The following RAP1GAP2 variants were observed in gnomAD, a reference collection of about 807,000 sequenced individuals.
RAP1GAP2 encodes the protein RAP1 GTPase activating protein 2, also known as rap1 GTPase-activating protein 2.
In RAP1GAP2, 27 loss-of-function variants were observed where a neutral mutation model predicts 95.0. That is an observed-to-expected ratio of 0.28 (90% CI 0.21 to 0.39). The LOEUF is 0.39. Among genes scored for constraint, RAP1GAP2 ranks in the 10% least tolerant of loss-of-function variants. The probability of loss-of-function intolerance (pLI) is 1.00; values close to 1 mark genes in which losing one functional copy is unlikely to be tolerated. For missense variants in RAP1GAP2, 771 were observed against 970.0 expected (o/e 0.79, Z 2.72); for synonymous variants, 373 against 380.9 (o/e 0.98, Z 0.24).
At position 3,035,552 on chromosome 17, in the gene RAP1GAP2, C is replaced by T. The variant is rs1160350553; in HGVS notation, c.*2191C>T. ...GTGGGCAGGATGGCTGGGTGGCCCCCAGAGAAGCACAGACCTGAGATGGGG... is the reference window on the plus strand; with the variant it reads ...GTGGGCAGGATGGCTGGGTGGCCCCTAGAGAAGCACAGACCTGAGATGGGG... On this transcript the variant is annotated 3_prime_UTR_variant, in exon 25 of 25. Transcript: ENST00000254695. This position sits in a 1 kb window ranked among gnomAD's most constrained non-coding sequence, Gnocchi z 4.3. 8 of 152,706 alleles carry T rather than the reference C, an allele frequency of 5.2e-5. No homozygotes were observed. The highest frequency in any genetic ancestry group is 4.6e-4 in the Admixed American group (7 of 15,286). The allele number at this position is 152,706 out of a possible 1,614,324, so 9.5% of individuals were successfully genotyped here.
chr17:2,803,821 A>G (rs1177538078), intron 2 of RAP1GAP2, among the ~76,000 whole-genome samples: 1 of 152,184 alleles, frequency 6.6e-6, no homozygotes, highest in East Asian at 1.9e-4. Context: ...GGAGGTTACC[A>G]TGAGCTGAGA....
chr17:2,935,400 G>A (rs1034614882), intron 3 of RAP1GAP2, among the ~76,000 whole-genome samples: 1 of 152,130 alleles, frequency 6.6e-6, no homozygotes, highest in South Asian at 2.1e-4. Context: ...GCAGCTACTT[G>A]GGAGGCTGAG....
intron 2 of RAP1GAP2, among the ~76,000 whole-genome samples, chr17:2,839,729 A>G (rs2071288834): frequency 6.6e-6 from 1 of 152,172 alleles, no homozygotes; most frequent in Non-Finnish European, 1.5e-5. Context: ...TATTTTTCTC[A>G]TGATTAGACT....
chr17:2,756,938 G>T (rs2071159823), intron 1 of RAP1GAP2, among the ~76,000 whole-genome samples: 1 of 152,142 alleles, frequency 6.6e-6, no homozygotes, highest in Non-Finnish European at 1.5e-5. Flanking sequence ...CCTCTGTTTT[G>T]CATATTTCCT....
At chr17:2,896,080 G>A (rs951002160) in intron 2 of RAP1GAP2, among the ~76,000 whole-genome samples, 4 of 152,164 alleles carry the variant, frequency 2.6e-5, no homozygotes, top group Middle Eastern at 3.4e-3. Flanking sequence ...GTGCGATCCC[G>A]TAGCTGGTCT....
chr17:2,843,668 G>A (rs527667011), intron 2 of RAP1GAP2, among the ~76,000 whole-genome samples: 3 of 152,182 alleles, frequency 2.0e-5, no homozygotes, highest in Non-Finnish European at 2.9e-5. Flanking sequence ...GGTGGGGCGG[G>A]GTGGGGCTGA....
At position 3,026,429 on chromosome 17, in the gene RAP1GAP2, G is replaced by C; in HGVS notation, c.1945G>C (p.Gly649Arg). 6.4e-7 allele frequency: 1 copy of C among 1,552,518 alleles called. No individual in the cohort carries two copies. Among genetic ancestry groups the C allele is most frequent in the Non-Finnish European group, 8.7e-7 (1 of 1,147,664 alleles). Residue 649 changes from glycine to arginine, a missense_variant, in exon 21 of 25, where the codon GGG (glycine) becomes CGG (arginine). By Grantham distance (125) the Gly-to-Arg change is moderately radical (BLOSUM62 -2). Coordinates refer to ENST00000254695, the MANE Select transcript of RAP1GAP2 (RefSeq NM_015085.5). The part of the protein sequence containing the change: ...SSTSSVSSTA[G>R]EGEAMEEGDS... ...CACCAGCAGCGTCAGCAGCACTGCA[G>C]GGGAGGGCGAGGCCATGGAGGAGGG...
At chr17:2,935,106 G>A (rs1011884511) in intron 3 of RAP1GAP2, among the ~76,000 whole-genome samples, 5 of 152,200 alleles carry the variant, frequency 3.3e-5, no homozygotes, top group African/African-American at 1.2e-4. Flanking sequence ...CTATGGGTTT[G>A]CATTGCCTGT....
intron 8 of RAP1GAP2, among the ~76,000 whole-genome samples, chr17:2,970,294 A>AAAAAAAAAT (rs1555582398): frequency 8.6e-6 from 1 of 116,030 alleles, no homozygotes; most frequent in Admixed American, 9.2e-5. Context: ...AAAAAAAAAA[A>AAAAAAAAAT]AATAATAATA....
intron 1 of RAP1GAP2, among the ~76,000 whole-genome samples, chr17:2,757,811 A>G (rs2071173028): frequency 6.6e-6 from 1 of 151,858 alleles, no homozygotes; most frequent in South Asian, 2.1e-4. Flanking sequence ...TCATCCTCCC[A>G]ACTCTTGCCC....
upstream of RAP1GAP2, among the ~76,000 whole-genome samples, chr17:2,791,857 CTTTTT>C (rs530185952): frequency 7.4e-6 from 1 of 136,028 alleles, no homozygotes; most frequent in African/African-American, 2.7e-5. Context: ...CCTTTTCTCT[CTTTTT>C]TTTTTTTTTT....
intron 3 of RAP1GAP2, among the ~76,000 whole-genome samples, chr17:2,915,275 G>T (rs1050213856): frequency 4.6e-5 from 7 of 152,040 alleles, no homozygotes; most frequent in African/African-American, 1.7e-4. Flanking sequence ...TTGTTGCCCA[G>T]GCTGGAGTGC....
Position 2,920,018 on chromosome 17 carries a change from T to C in RAP1GAP2, c.165+14650T>C, listed in dbSNP as rs545486391. Among the ~76,000 whole-genome samples, 416 of 150,562 alleles carry C rather than the reference T, an allele frequency of 2.8e-3. 5 individuals carry two copies. The highest frequency in any genetic ancestry group is 9.8e-3 in the African/African-American group (403 of 41,010). On this transcript the variant is annotated intron_variant, in intron 3 of 24. Coordinates refer to ENST00000254695, the MANE Select transcript of RAP1GAP2 (RefSeq NM_015085.5). ...ATCTGGCCTCCTTTTTTCTTTTTTTTTTTTTTTTGAGACAGGTTCTCTGTC... is the reference window on the plus strand; with the variant it reads ...ATCTGGCCTCCTTTTTTCTTTTTTTCTTTTTTTTGAGACAGGTTCTCTGTC...
intron 1 of RAP1GAP2, among the ~76,000 whole-genome samples, chr17:2,784,775 T>C (rs745800349): frequency 1.1e-4 from 16 of 152,222 alleles, no homozygotes; most frequent in Non-Finnish European, 2.1e-4. Context: ...CAGTTTATTA[T>C]CTCATTACAG....
intron 2 of RAP1GAP2, among the ~76,000 whole-genome samples, chr17:2,896,498 A>G (rs1331331961): frequency 6.6e-6 from 1 of 152,242 alleles, no homozygotes; most frequent in Non-Finnish European, 1.5e-5. Context: ...CCAGGCTCAC[A>G]TAGAACTCGG....
At chr17:2,773,693 G>A (rs200484002), upstream of RAP1GAP2, among the ~76,000 whole-genome samples, 47 of 145,060 alleles carry the variant, frequency 3.2e-4, no homozygotes, top group African/African-American at 1.1e-3. Context: ...TCATTCATTC[G>A]TTCATTTTAG....
At chr17:2,766,120 G>A (rs2068271310) in intron 1 of RAP1GAP2, among the ~76,000 whole-genome samples, 1 of 152,192 alleles carries the variant, frequency 6.6e-6, no homozygotes, top group Non-Finnish European at 1.5e-5. Context: ...GCGGCCATGG[G>A]GGCGGTGGCA....
rs755933404 is a variant in RAP1GAP2 at position 2,866,287 on chromosome 17, C to T, written c.81-38997C>T. On this transcript the variant is annotated intron_variant, in intron 2 of 24. Coordinates refer to ENST00000254695, the MANE Select transcript of RAP1GAP2 (RefSeq NM_015085.5). The surrounding 1 kb of genome is among the most constrained non-coding windows in gnomAD (Gnocchi z 4.0). ...GTGGTGTGGATTCCCTGCTGGGGAA[C>T]GTGGGAGATGAGGCTGTTAGGGCGG... is the stretch of plus-strand genomic sequence containing the variant. 4.6e-5 allele frequency among the ~76,000 whole-genome samples: 7 copies of T among 152,280 alleles called. No homozygotes were observed. Among genetic ancestry groups the T allele is most frequent in the East Asian group, 1.9e-4 (1 of 5,176 alleles).
intron 2 of RAP1GAP2, among the ~76,000 whole-genome samples, chr17:2,897,312 T>A (rs2041865423): frequency 6.6e-6 from 1 of 151,648 alleles, no homozygotes; most frequent in Non-Finnish European, 1.5e-5. Context: ...CACTCCAACC[T>A]GGGCAACAAG....
Sources: allele counts gnomAD v4.1 joint callset (sites outside exome capture counted in the v4.1 genomes callset), GRCh38; gene constraint gnomAD v4.1.1; non-coding constraint Gnocchi (gnomAD v3.1); transcripts MANE v1.5; gene names NCBI Gene and HGNC (gene_info 2026-07-23, HGNC 2026-07-21).